The following EBF3 variants were observed in gnomAD, a reference collection of about 807,000 sequenced individuals.
The protein encoded by EBF3 is transcription factor COE3.
EBF3 carries 18 observed loss-of-function variants against 77.1 expected under a neutral mutation model. That is an observed-to-expected ratio of 0.23 (90% CI 0.16 to 0.35). The LOEUF is 0.35. EBF3 is among the 10% of genes least tolerant of loss of function. EBF3 has a pLI of 1.00. For missense variants in EBF3, 558 were observed against 860.0 expected (o/e 0.65, Z 4.39); for synonymous variants, 350 against 343.5 (o/e 1.02, Z -0.21).
At chr10:129,907,747 C>T (rs1855248649) in intron 6 of EBF3, among the ~76,000 whole-genome samples, 1 of 152,160 alleles carries the variant, frequency 6.6e-6, no homozygotes, top group Non-Finnish European at 1.5e-5. Context: ...AGACTGCGAT[C>T]GTGAATTATA....
At chr10:129,921,740 C>T (rs966863712) in intron 6 of EBF3, among the ~76,000 whole-genome samples, 1 of 152,202 alleles carries the variant, frequency 6.6e-6, no homozygotes, top group Non-Finnish European at 1.5e-5. Context: ...CAGAAGGTGA[C>T]AGCCACAGAC....
intron 7 of EBF3, among the ~76,000 whole-genome samples, chr10:129,874,557 G>A (rs1479349609): frequency 6.6e-6 from 1 of 152,198 alleles, no homozygotes; most frequent in Non-Finnish European, 1.5e-5. Flanking sequence ...AGCTGGAGCT[G>A]CAAAGATCTG....
At position 129,861,344 on chromosome 10, in the gene EBF3, C is replaced by T. The variant is rs1467490921; in HGVS notation, c.1039+5797G>A. On this transcript the variant is annotated intron_variant, in intron 10 of 16. Coordinates refer to ENST00000440978, the MANE Select transcript of EBF3 (RefSeq NM_001375380.1). This position sits in a 1 kb window ranked among gnomAD's most constrained non-coding sequence, Gnocchi z 4.3. ...ACTTGGTACGAAAAAAAAAGTCACC[C>T]TTTGCCATCCATATTTAAACAAAGG... 6.6e-6 allele frequency among the ~76,000 whole-genome samples: 1 copy of T among 152,176 alleles called. No homozygotes were observed. The highest frequency in any genetic ancestry group is 6.5e-5 in the Admixed American group (1 of 15,282).
intron 6 of EBF3, among the ~76,000 whole-genome samples, chr10:129,878,661 C>CCAAAA (rs1482298311): frequency 7.5e-4 from 26 of 34,850 alleles, no homozygotes; most frequent in African/African-American, 3.3e-3. Context: ...GGCTCTGTCT[C>CCAAAA]AAAAAAAAAA....
rs547081316 is a variant in EBF3 at position 129,885,806 on chromosome 10, C to A, written c.555-7957G>T. On this transcript the variant is annotated intron_variant, in intron 6 of 16. Coordinates refer to ENST00000440978, the MANE Select transcript of EBF3 (RefSeq NM_001375380.1). The surrounding 1 kb of genome is among the most constrained non-coding windows in gnomAD (Gnocchi z 4.0). ...CATCACTTGGCTCACAACAGACGCA[C>A]CCCCCTGACTTGTTGCCAGCTCCAG... Among the ~76,000 whole-genome samples the A allele has an allele frequency of 1.3e-5, 2 of 152,268 alleles. No homozygotes were observed. Among genetic ancestry groups the A allele is most frequent in the South Asian group, 4.1e-4 (2 of 4,824 alleles).
At position 129,864,177 on chromosome 10, in the gene EBF3, C is replaced by G. The variant is rs1479043479; in HGVS notation, c.1039+2964G>C. 7.2e-5 allele frequency among the ~76,000 whole-genome samples: 11 copies of G among 152,130 alleles called. No individual in the cohort carries two copies. The highest frequency in any genetic ancestry group is 2.7e-4 in the African/African-American group (11 of 41,438). ...GATATCCCTGGCCAAGGAAGGCATC[C>G]TACCTGGCTGGAGGGCAACAGGAAC... On this transcript the variant is annotated intron_variant, in intron 10 of 16. Coordinates refer to ENST00000440978, the MANE Select transcript of EBF3 (RefSeq NM_001375380.1). This position sits in a 1 kb window ranked among gnomAD's most constrained non-coding sequence, Gnocchi z 4.4.
At chr10:129,849,136 T>A (rs1437156616) in intron 10 of EBF3, among the ~76,000 whole-genome samples, 1 of 152,208 alleles carries the variant, frequency 6.6e-6, no homozygotes, top group Non-Finnish European at 1.5e-5. Context: ...CAGCGGCACA[T>A]GCGCTGTGTA....
rs1370826276 is a variant in EBF3 at position 129,861,925 on chromosome 10, A to C, written c.1039+5216T>G. On this transcript the variant is annotated intron_variant, in intron 10 of 16. Transcript: ENST00000440978. The surrounding 1 kb of genome is among the most constrained non-coding windows in gnomAD (Gnocchi z 4.3). ...CAGCAAGCTGGGGCTGGCGTGGTCG[A>C]AGGGCACAGTCGACTCCGCAGTGCT... Among the ~76,000 whole-genome samples the C allele has an allele frequency of 1.3e-5, 2 of 152,186 alleles. No individual in the cohort carries two copies. Among genetic ancestry groups the C allele is most frequent in the Non-Finnish European group, 2.9e-5 (2 of 68,024 alleles).
chr10:129,954,976 G>T (rs538524973), intron 6 of EBF3, among the ~76,000 whole-genome samples: 2 of 152,110 alleles, frequency 1.3e-5, no homozygotes, highest in South Asian at 4.2e-4. Context: ...TGCAAAAGAC[G>T]GTGTCAGTCT....
intron 6 of EBF3, among the ~76,000 whole-genome samples, chr10:129,922,287 C>T (rs1856368161): frequency 6.6e-6 from 1 of 152,224 alleles, no homozygotes; most frequent in African/African-American, 2.4e-5. Context: ...TGCATCCCCC[C>T]AGCCAAGGAA....
intron 10 of EBF3, among the ~76,000 whole-genome samples, chr10:129,849,401 C>A (rs747403084): frequency 9.2e-5 from 14 of 152,220 alleles, no homozygotes; most frequent in Non-Finnish European, 1.9e-4. Context: ...ACTAATAAGA[C>A]CTGCCACCAT....
At chr10:129,930,974 T>C (rs1856989504) in intron 6 of EBF3, among the ~76,000 whole-genome samples, 1 of 151,598 alleles carries the variant, frequency 6.6e-6, no homozygotes, top group Non-Finnish European at 1.5e-5. Flanking sequence ...CCCTCTCATA[T>C]ATCTATATCT....
At chr10:129,900,233 T>C (rs574565756) in intron 6 of EBF3, among the ~76,000 whole-genome samples, 10 of 152,302 alleles carry the variant, frequency 6.6e-5, no homozygotes, top group African/African-American at 2.4e-4. Context: ...TCATCTTCCA[T>C]CCAAACAGTG....
chr10:129,958,492 G>A (rs1859209769), intron 5 of EBF3, among the ~76,000 whole-genome samples: 1 of 152,164 alleles, frequency 6.6e-6, no homozygotes, highest in African/African-American at 2.4e-5. Flanking sequence ...TTAACTGACA[G>A]AATCACAATC....
intron 6 of EBF3, 135 bp downstream of exon 6, chr10:129,957,123 G>A (rs1859097225): frequency 1.7e-5 from 12 of 699,796 alleles, no homozygotes; most frequent in South Asian, 1.1e-4. Flanking sequence ...TAACACACGC[G>A]GACAACAAAT....
At chr10:129,930,284 A>G (rs1281964812) in intron 6 of EBF3, among the ~76,000 whole-genome samples, 3 of 152,170 alleles carry the variant, frequency 2.0e-5, no homozygotes, top group African/African-American at 4.8e-5. Context: ...CAGCCTCATA[A>G]TCCTGTGAGC....
intron 6 of EBF3, among the ~76,000 whole-genome samples, chr10:129,931,398 A>G (rs1857017414): frequency 6.6e-6 from 1 of 152,192 alleles, no homozygotes; most frequent in East Asian, 1.9e-4. Flanking sequence ...GAGTGTGGCA[A>G]CAAGACTCTG....
In EBF3 at chr10:129,840,478, G is replaced by A. The variant is rs576439240; in HGVS notation, c.1562-36C>T. 1.6e-5 allele frequency: 24 copies of A among 1,537,912 alleles called. 1 individual carries two copies. Among genetic ancestry groups the A allele is most frequent in the Middle Eastern group, 1.8e-4 (1 of 5,640 alleles). The stretch of plus-strand genomic sequence containing the variant: ...GCAAACACGGTCAGCACGCGCGGCC[G>A]CGGCACAGCGCCACGGCGAGAGGGC... On this transcript the variant is annotated intron_variant, in intron 14 of 16. Coordinates refer to ENST00000440978, the MANE Select transcript of EBF3 (RefSeq NM_001375380.1).
chr10:129,942,492 A>G (rs1857832941), intron 6 of EBF3, among the ~76,000 whole-genome samples: 2 of 152,242 alleles, frequency 1.3e-5, no homozygotes, highest in Non-Finnish European at 1.5e-5. Flanking sequence ...GTGGTCCTGC[A>G]AGAGCGTCCC....
Sources: allele counts gnomAD v4.1 joint callset (sites outside exome capture counted in the v4.1 genomes callset), GRCh38; gene constraint gnomAD v4.1.1; non-coding constraint Gnocchi (gnomAD v3.1); transcripts MANE v1.5; gene names NCBI Gene and HGNC (gene_info 2026-07-23, HGNC 2026-07-21).